The following FHIT variants were observed in gnomAD, a reference collection of about 807,000 sequenced individuals.
FHIT encodes fragile histidine triad diadenosine triphosphatase.
In FHIT, 19 loss-of-function variants were observed where a neutral mutation model predicts 17.9. The ratio of observed to expected loss-of-function variants is 1.06; its 90% CI spans 0.74 to 1.56. The LOEUF (loss-of-function observed/expected upper bound fraction) is 1.56. FHIT is among the 40% of genes most tolerant of loss of function. FHIT has a pLI of 0.00. For synonymous variants in FHIT, 81 were observed against 69.7 expected, an observed-to-expected ratio of 1.16 and a Z score of -0.81; for missense variants, 248 against 189.2, an observed-to-expected ratio of 1.31 and a Z score of -1.82.
At chr3:60,428,348 G>A (rs530319139) in intron 5 of FHIT, among the ~76,000 whole-genome samples, 31 of 152,186 alleles carry the variant, frequency 2.0e-4, no homozygotes, top group South Asian at 8.3e-4. Flanking sequence ...ACCTGGAATC[G>A]TGGCAATAGG....
chr3:60,291,829 A>C (rs1707998398), intron 5 of FHIT, among the ~76,000 whole-genome samples: 2 of 152,074 alleles, frequency 1.3e-5, no homozygotes, highest in Admixed American at 1.3e-4. Flanking sequence ...GAAAGAGAGG[A>C]AAGATTGGAG....
chr3:60,267,310 T>G (rs557096877), intron 5 of FHIT, among the ~76,000 whole-genome samples: 1 of 150,250 alleles, frequency 6.7e-6, no homozygotes, highest in African/African-American at 2.4e-5. Context: ...CTACATGAGG[T>G]CACATATACA....
In FHIT at chr3:60,174,452, C is replaced by T. The variant is rs1480375476; in HGVS notation, c.104-160300G>A. Among the ~76,000 whole-genome samples the T allele has an allele frequency of 2.6e-5, 4 of 152,076 alleles. No homozygotes were observed. In the East Asian group the frequency reaches 5.8e-4, roughly 22 times the overall value. On this transcript the variant is annotated intron_variant, in intron 5 of 9. Transcript: ENST00000492590. ...TTTATATTTTGTTTATGTTTATATG[C>T]ATCTTATATTTCCCTGAAAACTAAT...
intron 8 of FHIT, among the ~76,000 whole-genome samples, chr3:59,767,838 C>G (rs1279433760): frequency 6.6e-6 from 1 of 152,132 alleles, no homozygotes; most frequent in Non-Finnish European, 1.5e-5. Context: ...ACTCCAGGGT[C>G]CCACTCCCTT....
intron 3 of FHIT, among the ~76,000 whole-genome samples, chr3:60,831,879 T>C (rs1021341808): frequency 4.6e-5 from 7 of 152,086 alleles, no homozygotes; most frequent in Non-Finnish European, 7.4e-5. Context: ...AAAAGGCTTC[T>C]TTCAGCAATA....
At chr3:60,629,957 T>C (rs1392434937) in intron 4 of FHIT, among the ~76,000 whole-genome samples, 14 of 152,156 alleles carry the variant, frequency 9.2e-5, no homozygotes, top group African/African-American at 3.4e-4. Context: ...CCAAAAGGTA[T>C]TTTTTGAATG....
chr3:60,660,585 T>C (rs2040217188), intron 4 of FHIT, among the ~76,000 whole-genome samples: 1 of 152,098 alleles, frequency 6.6e-6, no homozygotes, highest in African/African-American at 2.4e-5. Context: ...TTCCTGGTGC[T>C]TTCTACTTTT....
rs1345800175 is a variant in FHIT, at chr3:60,796,530, G to T, written c.-18+25389C>A. ...TCAATGGTGTCTAGATATTTTTCAA[G>T]TTGGGTTTAAAATGTTTCTTTGAAT... On this transcript the variant is annotated intron_variant, in intron 4 of 9. Coordinates refer to ENST00000492590, the MANE Select transcript of FHIT (RefSeq NM_002012.4). Among the ~76,000 whole-genome samples, 3 of 152,134 alleles carry T rather than the reference G, an allele frequency of 2.0e-5. No individual in the cohort carries two copies. In the East Asian group the frequency reaches 5.8e-4, roughly 29 times the overall value.
At chr3:60,359,520 C>A (rs2106988897) in intron 5 of FHIT, among the ~76,000 whole-genome samples, 1 of 152,094 alleles carries the variant, frequency 6.6e-6, no homozygotes. Flanking sequence ...ACCTCGTGAT[C>A]CACCCGCCTT....
At chr3:60,627,302 G>GAATA (rs2039315534) in intron 4 of FHIT, among the ~76,000 whole-genome samples, 2 of 152,106 alleles carry the variant, frequency 1.3e-5, no homozygotes, top group Non-Finnish European at 2.9e-5. Context: ...ACTTTTATTT[G>GAATA]TGGGTAGTTT....
chr3:61,053,959 G>T (rs2034122561), intron 2 of FHIT, among the ~76,000 whole-genome samples: 1 of 152,200 alleles, frequency 6.6e-6, no homozygotes, highest in Non-Finnish European at 1.5e-5. Flanking sequence ...AAACTAAAAT[G>T]CAGGTAAGCA....
At chr3:60,109,596 A>G (rs2107173656) in intron 5 of FHIT, among the ~76,000 whole-genome samples, 1 of 152,338 alleles carries the variant, frequency 6.6e-6, no homozygotes, top group South Asian at 2.1e-4. Flanking sequence ...GGCTGAATAT[A>G]CATGAAGAGA....
intron 7 of FHIT, among the ~76,000 whole-genome samples, chr3:59,949,243 TCTC>T (rs1254218406): frequency 6.6e-6 from 1 of 152,220 alleles, no homozygotes; most frequent in Non-Finnish European, 1.5e-5. Flanking sequence ...CTACGAGTGA[TCTC>T]TTCTTTCCCT....
chr3:60,513,565 A>G (rs1292130796), intron 5 of FHIT, among the ~76,000 whole-genome samples: 1 of 152,200 alleles, frequency 6.6e-6, no homozygotes, highest in Non-Finnish European at 1.5e-5. Context: ...AAATCCTCCA[A>G]TCTTTCAGCT....
chr3:60,097,850 G>C (rs1033587237), intron 5 of FHIT, among the ~76,000 whole-genome samples: 1 of 143,220 alleles, frequency 7.0e-6, no homozygotes, highest in African/African-American at 2.6e-5. Context: ...ATCTCCTAAT[G>C]CTATCCCTCC....
At chr3:60,473,299 G>A (rs1252089661) in intron 5 of FHIT, among the ~76,000 whole-genome samples, 2 of 152,170 alleles carry the variant, frequency 1.3e-5, no homozygotes, top group African/African-American at 2.4e-5. Context: ...TAATTTGCAT[G>A]AGCACTGTTC....
At position 59,788,561 on chromosome 3, in the gene FHIT, C is replaced by T. The variant is rs575249736; in HGVS notation, c.349-36240G>A. On this transcript the variant is annotated intron_variant, in intron 8 of 9. Coordinates refer to ENST00000492590, the MANE Select transcript of FHIT (RefSeq NM_002012.4). ...CCTAAACAGGGCTAAAGGCAGGCTACGATCCTCATTCTAGATTGGCCCTCT... is the reference window on the plus strand; with the variant it reads ...CCTAAACAGGGCTAAAGGCAGGCTATGATCCTCATTCTAGATTGGCCCTCT... 4.1e-4 allele frequency among the ~76,000 whole-genome samples: 62 copies of T among 152,262 alleles called. 1 individual carries two copies. The highest frequency in any genetic ancestry group is 1.3e-3 in the African/African-American group (54 of 41,552).
intron 4 of FHIT, among the ~76,000 whole-genome samples, chr3:60,604,282 C>G (rs2038537980): frequency 6.6e-6 from 1 of 152,068 alleles, no homozygotes; most frequent in Non-Finnish European, 1.5e-5. Context: ...TGAGGGGAAT[C>G]CAGGGTAGAG....
chr3:60,963,978 G>T (rs951185844), intron 3 of FHIT, among the ~76,000 whole-genome samples: 6 of 152,090 alleles, frequency 3.9e-5, no homozygotes, highest in South Asian at 2.1e-4. Flanking sequence ...TCAATTCCTG[G>T]ATATCATTGT....
Sources: allele counts gnomAD v4.1 joint callset (sites outside exome capture counted in the v4.1 genomes callset), GRCh38; gene constraint gnomAD v4.1.1; transcripts MANE v1.5; gene names NCBI Gene and HGNC (gene_info 2026-07-23, HGNC 2026-07-21).